The following ROR2 variants were observed in gnomAD, a reference collection of about 807,000 sequenced individuals.
The protein encoded by ROR2 is tyrosine-protein kinase transmembrane receptor ROR2.
Under a neutral mutation model 74.9 loss-of-function variants are expected in ROR2, and 33 were observed. The observed-to-expected ratio is 0.44, with a 90% CI of 0.33 to 0.59. The LOEUF is 0.59. ROR2 is among the 20% of genes least tolerant of loss of function. ROR2 has a pLI of 0.02. For missense variants in ROR2, 1,216 were observed against 1,313.8 expected, an observed-to-expected ratio of 0.93 and a Z score of 1.15; for synonymous variants, 586 against 558.7, an observed-to-expected ratio of 1.05 and a Z score of -0.69.
At chr9:91,847,001 G>C (rs1828953310) in intron 1 of ROR2, among the ~76,000 whole-genome samples, 1 of 152,152 alleles carries the variant, frequency 6.6e-6, no homozygotes, top group Non-Finnish European at 1.5e-5. Context: ...CCATGGGGCA[G>C]AGCTGCAGAC....
At chr9:91,750,943 C>T (rs1207775755) in intron 4 of ROR2, among the ~76,000 whole-genome samples, 2 of 152,178 alleles carry the variant, frequency 1.3e-5, no homozygotes, top group East Asian at 3.8e-4. Flanking sequence ...ACCTAAGATG[C>T]TGGCAACATT....
Position 91,888,802 on chromosome 9 carries a change from T to G in ROR2, c.97+61065A>C, listed in dbSNP as rs182729598. Among the ~76,000 whole-genome samples the G allele has an allele frequency of 3.9e-5, 6 of 152,360 alleles. No homozygotes were observed. The East Asian group carries it at 1.2e-3, about 29-fold the overall frequency. On this transcript the variant is annotated intron_variant, in intron 1 of 8. Transcript: ENST00000375708. ...CTGGCAATGCTCAGAGACCTCTGGC[T>G]GGCTGTGTCCTGCACGGGAAGCAAT...
At chr9:91,850,410 C>T (rs931782644) in intron 1 of ROR2, among the ~76,000 whole-genome samples, 2 of 140,066 alleles carry the variant, frequency 1.4e-5, no homozygotes, top group South Asian at 2.3e-4. Flanking sequence ...GATGAAGAGA[C>T]GACCCTGGAC....
intron 1 of ROR2, among the ~76,000 whole-genome samples, chr9:91,776,976 A>G (rs939399434): frequency 3.3e-5 from 5 of 152,240 alleles, no homozygotes; most frequent in African/African-American, 9.6e-5. Context: ...CTTCTAATTC[A>G]GAAATGGAGG....
At chr9:91,745,036 G>C (rs1825363496) in intron 4 of ROR2, among the ~76,000 whole-genome samples, 1 of 152,222 alleles carries the variant, frequency 6.6e-6, no homozygotes, top group Admixed American at 6.5e-5. Flanking sequence ...CCATGTGTGA[G>C]TGCACATCAA....
intron 1 of ROR2, among the ~76,000 whole-genome samples, chr9:91,941,685 G>A (rs1400309068): frequency 6.6e-6 from 1 of 152,162 alleles, no homozygotes; most frequent in African/African-American, 2.4e-5. Context: ...CCTTGTCCCT[G>A]TGGTGTATTG....
At chr9:91,793,503 GA>G (rs1167288202) in intron 1 of ROR2, among the ~76,000 whole-genome samples, 1 of 151,932 alleles carries the variant, frequency 6.6e-6, no homozygotes, top group Admixed American at 6.6e-5. Flanking sequence ...AAAGACTATA[GA>G]AAACCAAAAG....
rs189923570 is a variant in ROR2, at chr9:91,926,120, G to A, written c.97+23747C>T. Among the ~76,000 whole-genome samples, 1,304 of 152,012 alleles carry A rather than the reference G, an allele frequency of 8.6e-3. 9 individuals are homozygous for A. Among genetic ancestry groups the A allele is most frequent in the Middle Eastern group, 0.014 (4 of 294 alleles). ...CATTAGGCCAGGCGCGGTGGCTCACGCCTGTAATCCCAGCACTTTGGGAGG... is the reference window on the plus strand; with the variant it reads ...CATTAGGCCAGGCGCGGTGGCTCACACCTGTAATCCCAGCACTTTGGGAGG... On this transcript the variant is annotated intron_variant, in intron 1 of 8. Coordinates refer to ENST00000375708, the MANE Select transcript of ROR2 (RefSeq NM_004560.4).
chr9:91,803,368 A>G lies in ROR2; in HGVS notation c.98-27550T>C, dbSNP rs556471813. 3.3e-5 allele frequency among the ~76,000 whole-genome samples: 5 copies of G among 152,364 alleles called. No homozygotes were observed. In the South Asian group the frequency reaches 1.0e-3, roughly 32 times the overall value. ...CCAGAGCAATCAAATCCACAGAAAC[A>G]GAAAACAGAATGGAGGCTGCCAGAG... On this transcript the variant is annotated intron_variant, in intron 1 of 8. Coordinates refer to ENST00000375708, the MANE Select transcript of ROR2 (RefSeq NM_004560.4).
intron 1 of ROR2, among the ~76,000 whole-genome samples, chr9:91,890,173 T>C (rs1830390302): frequency 6.6e-6 from 1 of 151,936 alleles, no homozygotes. Context: ...GAAGAGAAAA[T>C]CCAGAACCAG....
chr9:91,763,920 G>A (rs1825986814), intron 2 of ROR2, among the ~76,000 whole-genome samples: 1 of 152,220 alleles, frequency 6.6e-6, no homozygotes, highest in South Asian at 2.1e-4. Context: ...TCGGCTTCCT[G>A]AAGATGGTCC....
intron 1 of ROR2, among the ~76,000 whole-genome samples, chr9:91,874,121 C>T (rs1355343295): frequency 6.6e-6 from 1 of 152,152 alleles, no homozygotes; most frequent in African/African-American, 2.4e-5. Context: ...ACGAAGCCTC[C>T]CTCCCAGACA....
chr9:91,736,323 C>T (rs1009887369), intron 5 of ROR2, among the ~76,000 whole-genome samples: 10 of 152,128 alleles, frequency 6.6e-5, no homozygotes, highest in African/African-American at 9.7e-5. Flanking sequence ...CTCTCTAGTC[C>T]GAGGGTGACC....
chr9:91,909,860 T>TTAG lies in ROR2; in HGVS notation c.97+40006_97+40007insCTA, dbSNP rs1564032395. Among the ~76,000 whole-genome samples, 24 of 127,610 alleles carry TTAG rather than the reference T, an allele frequency of 1.9e-4. 1 individual carries two copies. The East Asian group carries it at 3.1e-3, about 17-fold the overall frequency. 83.7% of individuals were successfully genotyped at this position (127,610 alleles called of 152,430 possible). A position where few individuals can be genotyped will look rare whatever the true frequency, so the allele number is the denominator to read the frequency against. Reference sequence around the variant, plus strand: ...TAGGTTTGTTTTGTTTTTTTTTTTTTTTTTTTTTTTTAGTTTTTTTCAATC... The same window carrying TTAG: ...TAGGTTTGTTTTGTTTTTTTTTTTTTTAGTTTTTTTTTTTAGTTTTTTTCAATC... On this transcript the variant is annotated intron_variant, in intron 1 of 8. Transcript: ENST00000375708.
At chr9:91,922,494 C>T (rs748402354) in intron 1 of ROR2, among the ~76,000 whole-genome samples, 6 of 151,174 alleles carry the variant, frequency 4.0e-5, no homozygotes, top group Non-Finnish European at 7.4e-5. Flanking sequence ...CACTCTGCTG[C>T]CCAGGCTGGA....
intron 1 of ROR2, among the ~76,000 whole-genome samples, chr9:91,936,658 T>C (rs16908021): frequency 0.05 from 7,600 of 152,270 alleles, 471 homozygotes; most frequent in East Asian, 0.24. Flanking sequence ...TGAGCCTCCA[T>C]TATAATGGCC....
At chr9:91,915,102 C>T (rs1183193508) in intron 1 of ROR2, among the ~76,000 whole-genome samples, 1 of 152,132 alleles carries the variant, frequency 6.6e-6, no homozygotes, top group African/African-American at 2.4e-5. Context: ...ACCCTGCTAC[C>T]TGGCGTTTAT....
chr9:91,734,601 C>T (rs1824959433), intron 5 of ROR2, among the ~76,000 whole-genome samples: 1 of 152,058 alleles, frequency 6.6e-6, no homozygotes, highest in Non-Finnish European at 1.5e-5. Context: ...GGGAACCCAC[C>T]CAGGAACGGG....
intron 3 of ROR2, among the ~76,000 whole-genome samples, chr9:91,756,422 G>A (rs1190457301): frequency 6.6e-6 from 1 of 152,178 alleles, no homozygotes; most frequent in African/African-American, 2.4e-5. Context: ...GCAGGGCCGG[G>A]GCGTTTGCTG....
Sources: allele counts gnomAD v4.1 joint callset (sites outside exome capture counted in the v4.1 genomes callset), GRCh38; gene constraint gnomAD v4.1.1; transcripts MANE v1.5; gene names NCBI Gene and HGNC (gene_info 2026-07-23, HGNC 2026-07-21).